Variants in SIK3 observed in about 807,000 individuals in gnomAD.
SIK3 encodes the protein SIK family kinase 3.
Under a neutral mutation model 144.2 loss-of-function variants are expected in SIK3, and 28 were observed. The observed-to-expected ratio is 0.19, with a 90% CI of 0.14 to 0.27. SIK3 has a LOEUF of 0.27. Among genes scored for constraint, SIK3 ranks in the 10% least tolerant of loss-of-function variants. The pLI is 1.00. For synonymous variants in SIK3, 686 were observed against 676.3 expected, an observed-to-expected ratio of 1.01 and a Z score of -0.22; for missense variants, 1,319 against 1,776.0, an observed-to-expected ratio of 0.74 and a Z score of 4.62.
intron 4 of SIK3, among the ~76,000 whole-genome samples, chr11:116,924,218 T>C (rs1408116630): frequency 1.3e-5 from 2 of 149,894 alleles, no homozygotes; most frequent in Non-Finnish European, 3.0e-5. Context: ...CGCTTGAACC[T>C]GGGGGAGGCA....
chr11:117,003,494 A>T lies in SIK3; in HGVS notation c.274-46430T>A, dbSNP rs191282710. ...GTTCTCAGGATGAAATAAAAAAAAA[A>T]ATATATTCAATGCTGGCTGGGAGCA... is the stretch of plus-strand genomic sequence containing the variant. On this transcript the variant is annotated intron_variant, in intron 1 of 24. Coordinates refer to ENST00000445177, the MANE Select transcript of SIK3 (RefSeq NM_001366686.3). 7.3e-3 allele frequency among the ~76,000 whole-genome samples: 1,111 copies of T among 152,226 alleles called. 12 individuals are homozygous for T. The highest frequency in any genetic ancestry group is 0.01 in the South Asian group (50 of 4,820).
chr11:116,929,962 G>A (rs541246247), intron 3 of SIK3, among the ~76,000 whole-genome samples: 1 of 152,188 alleles, frequency 6.6e-6, no homozygotes, highest in South Asian at 2.1e-4. Context: ...GGGTAGTACA[G>A]CTTAAACTAT....
intron 1 of SIK3, among the ~76,000 whole-genome samples, chr11:117,020,519 T>C (rs1198489727): frequency 6.6e-6 from 1 of 152,024 alleles, no homozygotes; most frequent in East Asian, 1.9e-4. Context: ...CCTGTGCTCA[T>C]ACAGTTAGAA....
chr11:116,930,777 C>G (rs1947561525), intron 3 of SIK3, among the ~76,000 whole-genome samples: 1 of 151,966 alleles, frequency 6.6e-6, no homozygotes, highest in Non-Finnish European at 1.5e-5. Flanking sequence ...CCCTCCCCAC[C>G]CCCACCAATC....
intron 1 of SIK3, among the ~76,000 whole-genome samples, chr11:117,068,539 A>G (rs944190321): frequency 6.6e-6 from 1 of 152,226 alleles, no homozygotes; most frequent in Non-Finnish European, 1.5e-5. Flanking sequence ...ACTTGAGCCC[A>G]GGAGTTTGAA....
chr11:116,929,573 T>G (rs1947481419), intron 3 of SIK3, among the ~76,000 whole-genome samples: 1 of 152,250 alleles, frequency 6.6e-6, no homozygotes, highest in Non-Finnish European at 1.5e-5. Flanking sequence ...GCTGCTGGAA[T>G]GCAGCCTAGT....
In SIK3 at chr11:116,933,709, T is replaced by C. The variant is rs138291457; in HGVS notation, c.455-6329A>G. 5.1e-3 allele frequency among the ~76,000 whole-genome samples: 779 copies of C among 152,270 alleles called. 7 individuals are homozygous for C. Among genetic ancestry groups the C allele is most frequent in the African/African-American group, 0.018 (738 of 41,534 alleles). ...ATGTTGGAGTGCAGTGGCCCAATCA[T>C]GGCTCATTGTAGCCTCAAACTCCTA... On this transcript the variant is annotated intron_variant, in intron 3 of 24. Transcript: ENST00000445177.
intron 1 of SIK3, among the ~76,000 whole-genome samples, chr11:116,972,335 A>G (rs909670822): frequency 6.6e-6 from 1 of 152,190 alleles, no homozygotes; most frequent in Non-Finnish European, 1.5e-5. Flanking sequence ...TTTTATGGTA[A>G]TGAGTTGTTA....
intron 4 of SIK3, 21 bp downstream of exon 4, chr11:116,927,198 C>A: frequency 6.3e-7 from 1 of 1,594,270 alleles, no homozygotes; most frequent in Non-Finnish European, 8.6e-7. Flanking sequence ...CCCTATCTGA[C>A]ATCCTCAGTA....
At chr11:117,023,609 C>CAAACAA (rs1377928104) in intron 1 of SIK3, among the ~76,000 whole-genome samples, 24 of 51,998 alleles carry the variant, frequency 4.6e-4, no homozygotes, top group African/African-American at 1.6e-3. Context: ...AACAAACAAA[C>CAAACAA]AAAAAAAAAA....
At chr11:116,968,199 G>A (rs1160781580) in intron 1 of SIK3, among the ~76,000 whole-genome samples, 1 of 152,160 alleles carries the variant, frequency 6.6e-6, no homozygotes, top group African/African-American at 2.4e-5. Context: ...CTGGAGTACA[G>A]TGGCGCCATC....
In SIK3 at chr11:116,956,998, C is replaced by T; in HGVS notation, c.340G>A (p.Val114Ile). The change falls in exon 2 of 25, where the codon GTT becomes ATT. Residue 114 changes from valine (V) to isoleucine (I), a missense_variant. Transcript: ENST00000445177. ...TGGCAAAGCATCTTCATAATTTGAA[C>T]TTCCCGGAAAATCTTCTTCAAGTTT... ...EENLKKIFRE[V>I]QIMKMLCHPH... 2 of 1,611,160 alleles carry T rather than the reference C, an allele frequency of 1.2e-6. No individual in the cohort carries two copies.
At chr11:116,897,142 T>G (rs367868027) in intron 5 of SIK3, 51 bp downstream of exon 5, 2 of 1,573,522 alleles carry the variant, frequency 1.3e-6, no homozygotes, top group South Asian at 1.2e-5. Context: ...ATAGCTGTCA[T>G]CAACCAAGGG....
At chr11:116,977,784 G>A (rs1950000051) in intron 1 of SIK3, among the ~76,000 whole-genome samples, 1 of 152,140 alleles carries the variant, frequency 6.6e-6, no homozygotes, top group South Asian at 2.1e-4. Flanking sequence ...TTAAGCTTGT[G>A]GATGAATTCT....
chr11:117,027,498 G>A (rs1283273017), intron 1 of SIK3, among the ~76,000 whole-genome samples: 3 of 150,986 alleles, frequency 2.0e-5, no homozygotes, highest in Non-Finnish European at 4.4e-5. Flanking sequence ...CACTCTTGTC[G>A]CCCAGGCTGG....
chr11:116,976,878 C>CT (rs1240407173), intron 1 of SIK3, among the ~76,000 whole-genome samples: 1 of 152,072 alleles, frequency 6.6e-6, no homozygotes, highest in South Asian at 2.1e-4. Context: ...GTAAATATAA[C>CT]TAACACAGAA....
intron 1 of SIK3, among the ~76,000 whole-genome samples, chr11:117,014,620 G>T (rs890332085): frequency 6.6e-6 from 1 of 151,976 alleles, no homozygotes; most frequent in African/African-American, 2.4e-5. Flanking sequence ...GGGAACTACC[G>T]GCCAGGTATT....
chr11:116,992,325 CCA>C (rs1491569343), intron 1 of SIK3, among the ~76,000 whole-genome samples: 21 of 131,762 alleles, frequency 1.6e-4, no homozygotes, highest in African/African-American at 5.9e-4. Flanking sequence ...ACCCCCCCCC[CCA>C]AAAAAAAACA....
intron 1 of SIK3, among the ~76,000 whole-genome samples, chr11:117,045,051 A>G (rs1952899165): frequency 6.6e-6 from 1 of 152,256 alleles, no homozygotes. Flanking sequence ...CTGGTTAGAT[A>G]GATGATATTT....
Sources: gnomAD v4.1 joint callset for allele counts (sites outside exome capture counted in the v4.1 genomes callset) on GRCh38, gnomAD v4.1.1 for gene constraint, MANE v1.5 for transcripts, NCBI Gene and HGNC (gene_info 2026-07-23, HGNC 2026-07-21) for gene names.